The following ATRNL1 variants were observed in gnomAD, a reference collection of about 807,000 sequenced individuals.
ATRNL1 encodes attractin-like protein 1.
Under a neutral mutation model 182.7 loss-of-function variants are expected in ATRNL1, and 95 were observed. That is an observed-to-expected ratio of 0.52 (90% confidence interval 0.44 to 0.62). The LOEUF is 0.62. Ranked by LOEUF, ATRNL1 falls within the 20% of genes least tolerant of loss-of-function variation. ATRNL1 has a pLI of 0.00. For synonymous variants in ATRNL1, 576 were observed against 568.3 expected, an observed-to-expected ratio of 1.01 and a Z score of -0.19; for missense variants, 1,471 against 1,679.5, an observed-to-expected ratio of 0.88 and a Z score of 2.17.
intron 21 of ATRNL1, among the ~76,000 whole-genome samples, chr10:115,458,251 T>C (rs1847622700): frequency 6.6e-6 from 1 of 152,150 alleles, no homozygotes; most frequent in Admixed American, 6.6e-5. Context: ...ACCATCATGA[T>C]TTTTGAAATT....
chr10:115,564,963 A>T lies in ATRNL1; in HGVS notation c.3795+15427A>T, dbSNP rs547950589. On this transcript the variant is annotated intron_variant, in intron 26 of 28. Transcript: ENST00000355044. ...TTCACATCTATTGATGAGAAGTCAA[A>T]ACTGTACAAACTTATTTTCATTATA... Among the ~76,000 whole-genome samples, 124 of 152,146 alleles carry T rather than the reference A, an allele frequency of 8.2e-4. 2 individuals are homozygous for T. The South Asian group carries it at 0.025, about 31-fold the overall frequency.
At chr10:115,098,375 A>ACTT (rs199979622) in intron 1 of ATRNL1, among the ~76,000 whole-genome samples, 3,716 of 151,136 alleles carry the variant, frequency 0.025, 156 homozygotes, top group African/African-American at 0.085. Context: ...TATACACGTA[A>ACTT]CTGTGAACTC....
At chr10:115,798,960 G>T (rs1229154723) in intron 27 of ATRNL1, among the ~76,000 whole-genome samples, 1 of 151,648 alleles carries the variant, frequency 6.6e-6, no homozygotes, top group African/African-American at 2.4e-5. Flanking sequence ...CCCAGTAGCT[G>T]GGACGACAGG....
At chr10:115,474,304 G>C (rs1848435410) in intron 24 of ATRNL1, among the ~76,000 whole-genome samples, 1 of 151,358 alleles carries the variant, frequency 6.6e-6, no homozygotes. Flanking sequence ...TGAGGTTTCT[G>C]CTGAGAAATC....
rs782000658 is a variant in ATRNL1 at position 115,467,232 on chromosome 10, C to T, written c.3476C>T (p.Thr1159Met). 2.5e-6 allele frequency: 4 copies of T among 1,602,688 alleles called. No homozygotes were observed. Among genetic ancestry groups the T allele is most frequent in the Admixed American group, 1.7e-5 (1 of 58,978 alleles). Residue 1159 changes from threonine (T) to methionine (M), a missense_variant, in exon 23 of 29, where the codon ACG (threonine) becomes ATG (methionine). Physicochemically the swap from Thr to Met is moderately conservative, Grantham distance 81. Coordinates refer to ENST00000355044, the MANE Select transcript of ATRNL1 (RefSeq NM_207303.4). ...NASNNFNLNI[T>M]WSVGSTAGTI... ...TCAAACAACTTTAATCTCAACATTA[C>T]GTGGTCTGTCGGTTCAACAGGTAAA... is the stretch of plus-strand genomic sequence containing the variant.
chr10:115,491,214 GGGACCCACTTGA>G (rs1371600993), intron 24 of ATRNL1, among the ~76,000 whole-genome samples: 1 of 152,148 alleles, frequency 6.6e-6, no homozygotes, highest in Non-Finnish European at 1.5e-5. Flanking sequence ...CTGGGGGTCA[GGGACCCACTTGA>G]GGACCCACTT....
At chr10:115,628,920 T>C (rs781830017) in intron 26 of ATRNL1, among the ~76,000 whole-genome samples, 3 of 152,222 alleles carry the variant, frequency 2.0e-5, no homozygotes, top group Non-Finnish European at 4.4e-5. Flanking sequence ...TCTTTCCTAA[T>C]TGAATAGTCT....
At chr10:115,614,730 A>T (rs1857346214) in intron 26 of ATRNL1, among the ~76,000 whole-genome samples, 1 of 151,908 alleles carries the variant, frequency 6.6e-6, no homozygotes, top group African/African-American at 2.4e-5. Context: ...GCATATTTAC[A>T]ATTGTATTTT....
At chr10:115,592,830 A>C (rs1301695888) in intron 26 of ATRNL1, among the ~76,000 whole-genome samples, 1 of 152,144 alleles carries the variant, frequency 6.6e-6, no homozygotes, top group Admixed American at 6.5e-5. Context: ...TATATATTTG[A>C]TTATAGTCAG....
intron 5 of ATRNL1, among the ~76,000 whole-genome samples, chr10:115,129,755 T>A (rs1845141858): frequency 1.3e-5 from 2 of 152,216 alleles, no homozygotes; most frequent in African/African-American, 2.4e-5. Context: ...ACTTTGAAGA[T>A]CAAATGAAGT....
intron 24 of ATRNL1, among the ~76,000 whole-genome samples, chr10:115,509,526 C>T (rs1403171218): frequency 6.6e-6 from 1 of 151,938 alleles, no homozygotes; most frequent in East Asian, 1.9e-4. Context: ...GTAGTACCCC[C>T]TCTTCACTCT....
chr10:115,200,483 T>C (rs1848526579), intron 8 of ATRNL1, among the ~76,000 whole-genome samples: 1 of 149,446 alleles, frequency 6.7e-6, no homozygotes, highest in African/African-American at 2.5e-5. Flanking sequence ...TAGTGTTTGG[T>C]TTTTTGTCCT....
chr10:115,933,656 A>G (rs1435408920), intron 28 of ATRNL1, among the ~76,000 whole-genome samples: 1 of 152,228 alleles, frequency 6.6e-6, no homozygotes, highest in Non-Finnish European at 1.5e-5. Flanking sequence ...AGACATGCTG[A>G]ATTTCAAGTC....
chr10:115,947,335 A>G lies in ATRNL1; in HGVS notation c.*2556A>G, dbSNP rs1953898381. 6.6e-6 allele frequency: 1 copy of G among 152,586 alleles called. No homozygotes were observed. The highest frequency in any genetic ancestry group is 2.4e-5 in the African/African-American group (1 of 41,422). 9.5% of individuals were successfully genotyped at this position (152,586 alleles called of 1,614,324 possible). A position where few individuals can be genotyped will look rare whatever the true frequency, so the allele number is the denominator to read the frequency against. On this transcript the variant is annotated 3_prime_UTR_variant, in exon 29 of 29. Coordinates refer to ENST00000355044, the MANE Select transcript of ATRNL1 (RefSeq NM_207303.4). ...AGTTAAATGGCTGATCCTCTTGAAA[A>G]CTAACCTTAATGGAATTCTAAACAT... is the stretch of plus-strand genomic sequence containing the variant.
intron 10 of ATRNL1, among the ~76,000 whole-genome samples, chr10:115,246,002 T>C (rs1850621805): frequency 6.6e-6 from 1 of 152,198 alleles, no homozygotes; most frequent in East Asian, 1.9e-4. Context: ...GTTGGGATTA[T>C]ATACAAGAAA....
chr10:115,319,292 G>GA (rs1554930640), intron 18 of ATRNL1, among the ~76,000 whole-genome samples: 3 of 152,142 alleles, frequency 2.0e-5, no homozygotes, highest in African/African-American at 4.8e-5. Flanking sequence ...TTGCTGAAGA[G>GA]TGTTTTACTT....
At chr10:115,208,773 A>G (rs1554894364) in intron 8 of ATRNL1, among the ~76,000 whole-genome samples, 5 of 152,004 alleles carry the variant, frequency 3.3e-5, no homozygotes, top group South Asian at 2.1e-4. Context: ...AGCTAAAGAC[A>G]TGTGGGACTT....
chr10:115,334,854 A>G (rs1670962313), intron 19 of ATRNL1, among the ~76,000 whole-genome samples: 1 of 152,156 alleles, frequency 6.6e-6, no homozygotes, highest in African/African-American at 2.4e-5. Flanking sequence ...CTAGGAGAGT[A>G]TGGGTTTGGA....
chr10:115,756,611 T>C (rs1441457079), intron 27 of ATRNL1, among the ~76,000 whole-genome samples: 5 of 152,164 alleles, frequency 3.3e-5, no homozygotes, highest in Admixed American at 3.3e-4. Context: ...ATAAGTTCGA[T>C]GTGGTGCTCA....
Sources: allele counts gnomAD v4.1 joint callset (sites outside exome capture counted in the v4.1 genomes callset), GRCh38; gene constraint gnomAD v4.1.1; transcripts MANE v1.5; gene names NCBI Gene and HGNC (gene_info 2026-07-23, HGNC 2026-07-21).